The following PCNX2 variants were observed in gnomAD, a reference collection of about 807,000 sequenced individuals.
The protein encoded by PCNX2 is pecanex-like protein 2.
In PCNX2, 168 loss-of-function variants were observed where a neutral mutation model predicts 223.8. That is an observed-to-expected ratio of 0.75 (90% CI 0.66 to 0.85). The LOEUF (loss-of-function observed/expected upper bound fraction) is 0.85, where lower values mean the gene tolerates loss of function less well. Among genes scored for constraint, PCNX2 ranks in the 40% least tolerant of loss-of-function variants. The pLI is 0.00. For missense variants in PCNX2, 2,507 were observed against 2,675.5 expected, an observed-to-expected ratio of 0.94 and a Z score of 1.39; for synonymous variants, 1,006 against 1,052.6, an observed-to-expected ratio of 0.96 and a Z score of 0.86.
chr1:233,003,932 C>T (rs113093493), intron 28 of PCNX2, among the ~76,000 whole-genome samples: 9 of 152,210 alleles, frequency 5.9e-5, no homozygotes, highest in African/African-American at 1.7e-4. Context: ...TGTTCTCACT[C>T]GTAAGTGGGA....
rs578056594 is a variant in PCNX2, at chr1:233,142,124, T to C, written c.3518-2269A>G. Reference sequence around the variant, plus strand: ...AAGTATAATTTTTTCTGGAGTAGATTTGGAAATGTGTTATTTCATAATGAA... The same window carrying C: ...AAGTATAATTTTTTCTGGAGTAGATCTGGAAATGTGTTATTTCATAATGAA... On this transcript the variant is annotated intron_variant, in intron 19 of 33. Coordinates refer to ENST00000258229, the MANE Select transcript of PCNX2 (RefSeq NM_014801.4). 2.0e-5 allele frequency among the ~76,000 whole-genome samples: 3 copies of C among 152,314 alleles called. No homozygotes were observed. The South Asian group carries it at 6.2e-4, about 32-fold the overall frequency.
At chr1:233,076,184 T>C (rs1047342922) in intron 23 of PCNX2, among the ~76,000 whole-genome samples, 1 of 152,222 alleles carries the variant, frequency 6.6e-6, no homozygotes, top group Non-Finnish European at 1.5e-5. Flanking sequence ...TACATTCTTC[T>C]GGTAAAAGGG....
intron 15 of PCNX2, among the ~76,000 whole-genome samples, chr1:233,196,330 C>T (rs1680729057): frequency 6.6e-6 from 1 of 150,418 alleles, no homozygotes; most frequent in Admixed American, 6.6e-5. Context: ...CTAGGTAAGA[C>T]ATAAAAAAAA....
rs1426014803 is a variant in PCNX2 at position 233,160,560 on chromosome 1, T to C, written c.3367-127A>G. On this transcript the variant is annotated intron_variant, in intron 18 of 33. Transcript: ENST00000258229. ...TTAACGGATAGCCAGACTCAGTTCTTGTTTCAGGCCTCTGAAAATGTCTTC... is the reference window on the plus strand; with the variant it reads ...TTAACGGATAGCCAGACTCAGTTCTCGTTTCAGGCCTCTGAAAATGTCTTC... 3 of 1,079,848 alleles carry C rather than the reference T, an allele frequency of 2.8e-6. No individual in the cohort carries two copies. In the African/African-American group the frequency reaches 4.8e-5, roughly 17 times the overall value. 66.9% of individuals were successfully genotyped at this position (1,079,848 alleles called of 1,614,324 possible).
chr1:233,108,800 TTA>T (rs1256755094), intron 21 of PCNX2, among the ~76,000 whole-genome samples: 1 of 152,052 alleles, frequency 6.6e-6, no homozygotes, highest in Non-Finnish European at 1.5e-5. Flanking sequence ...GGGCCCAGGA[TTA>T]CAGACAGGGG....
intron 17 of PCNX2, among the ~76,000 whole-genome samples, chr1:233,166,576 A>G (rs550215126): frequency 6.6e-5 from 10 of 152,322 alleles, no homozygotes; most frequent in African/African-American, 2.4e-4. Flanking sequence ...AGTTCTGAAC[A>G]GACGCTTCAC....
Position 233,263,006 on chromosome 1 carries a change from T to C in PCNX2, c.311A>G (p.Lys104Arg). The change falls in exon 2 of 34, where the codon AAA becomes AGA. Residue 104 changes from lysine (K) to arginine (R), a missense_variant. Coordinates refer to ENST00000258229, the MANE Select transcript of PCNX2 (RefSeq NM_014801.4). The stretch of plus-strand genomic sequence containing the variant: ...GTGTTCACCTTTGGCCTCCTTGTCT[T>C]TATTTGGCTTTTCTTCCTTTCTGGA... ...KPSRKEEKPNKDKEAKGEHIT... is the reference protein window; with the variant it reads ...KPSRKEEKPNRDKEAKGEHIT... 6.2e-7 allele frequency: 1 copy of C among 1,613,784 alleles called. No homozygotes were observed. The highest frequency in any genetic ancestry group is 1.7e-5 in the Admixed American group (1 of 60,022).
chr1:232,994,761 T>A (rs1246425316), intron 32 of PCNX2, among the ~76,000 whole-genome samples: 1 of 152,036 alleles, frequency 6.6e-6, no homozygotes, highest in African/African-American at 2.4e-5. Context: ...TGATAGTGAG[T>A]GAGTTCTCAT....
intron 9 of PCNX2, among the ~76,000 whole-genome samples, chr1:233,229,500 C>T (rs1404497644): frequency 6.6e-6 from 1 of 152,068 alleles, no homozygotes; most frequent in East Asian, 1.9e-4. Context: ...TCCTTGAAGC[C>T]ACATGGACAA....
At chr1:233,085,052 A>C (rs1323316076) in intron 23 of PCNX2, among the ~76,000 whole-genome samples, 1 of 152,182 alleles carries the variant, frequency 6.6e-6, no homozygotes, top group Non-Finnish European at 1.5e-5. Context: ...AAATATTTAC[A>C]GGCCAGGCGT....
chr1:233,273,983 C>T (rs1660784356), intron 1 of PCNX2, among the ~76,000 whole-genome samples: 1 of 152,116 alleles, frequency 6.6e-6, no homozygotes, highest in Non-Finnish European at 1.5e-5. Flanking sequence ...TTCTCTGGCT[C>T]CCATTGTTTT....
At chr1:233,252,915 G>A in intron 5 of PCNX2, 127 bp from the exon 6 acceptor site, 1 of 972,416 alleles carries the variant, frequency 1.0e-6, no homozygotes, top group Admixed American at 3.2e-5. Flanking sequence ...GCATGCAAAA[G>A]GCTTTTAAAT....
chr1:233,323,976 A>T, the PCNX2 span, among the ~76,000 whole-genome samples: 2 of 152,258 alleles, frequency 1.3e-5, no homozygotes, highest in East Asian at 3.8e-4. Flanking sequence ...GAAGGAAATT[A>T]AAAGTGCTAC....
intron 17 of PCNX2, 60 bp from the exon 18 acceptor site, chr1:233,161,423 AC>A: frequency 1.4e-6 from 2 of 1,434,492 alleles, no homozygotes; most frequent in Non-Finnish European, 2.0e-6. Context: ...ACTCTGTGTA[AC>A]CAGGTAAATC....
In PCNX2 at chr1:233,218,774, T is replaced by A. The variant is rs576035001; in HGVS notation, c.2505-590A>T. 4.9e-4 allele frequency among the ~76,000 whole-genome samples: 75 copies of A among 152,150 alleles called. 1 individual carries two copies. In the South Asian group the frequency reaches 0.016, roughly 32 times the overall value. ...GGATCTGCTTGGCCACTAAACTGGGTTTACTGGCAAAACGTAGTTAATGAT... is the reference window on the plus strand; with the variant it reads ...GGATCTGCTTGGCCACTAAACTGGGATTACTGGCAAAACGTAGTTAATGAT... On this transcript the variant is annotated intron_variant, in intron 10 of 33. Coordinates refer to ENST00000258229, the MANE Select transcript of PCNX2 (RefSeq NM_014801.4).
intron 21 of PCNX2, among the ~76,000 whole-genome samples, chr1:233,134,049 G>C (rs1676664000): frequency 6.6e-6 from 1 of 152,042 alleles, no homozygotes; most frequent in African/African-American, 2.4e-5. Context: ...AACTGATTAA[G>C]AGGTGAAAAA....
chr1:233,151,670 TTTTA>T (rs1160591260), intron 19 of PCNX2, among the ~76,000 whole-genome samples: 1 of 150,942 alleles, frequency 6.6e-6, no homozygotes, highest in Admixed American at 6.6e-5. Context: ...TCTTTCTATC[TTTTA>T]TTTATTTATT....
chr1:233,127,738 A>G (rs1369131238), intron 21 of PCNX2, among the ~76,000 whole-genome samples: 1 of 152,144 alleles, frequency 6.6e-6, no homozygotes, highest in Non-Finnish European at 1.5e-5. Context: ...CCACCCACAA[A>G]GCTGTTGTGA....
intron 21 of PCNX2, among the ~76,000 whole-genome samples, chr1:233,117,145 A>C (rs1675460418): frequency 6.6e-6 from 1 of 152,236 alleles, no homozygotes; most frequent in African/African-American, 2.4e-5. Context: ...TTAACTTATA[A>C]ATTTAAAAAC....
Sources: gnomAD v4.1 joint callset for allele counts (sites outside exome capture counted in the v4.1 genomes callset) on GRCh38, gnomAD v4.1.1 for gene constraint, MANE v1.5 for transcripts, NCBI Gene and HGNC (gene_info 2026-07-23, HGNC 2026-07-21) for gene names.